The following HBS1L variants were observed in gnomAD, a reference collection of about 807,000 sequenced individuals.
The protein encoded by HBS1L is HBS1 like translational GTPase.
HBS1L carries 55 observed loss-of-function variants against 88.9 expected under a neutral mutation model. The ratio of observed to expected loss-of-function variants is 0.62; its 90% confidence interval spans 0.50 to 0.77. HBS1L has a LOEUF of 0.77. Ranked by LOEUF, HBS1L falls within the 30% of genes least tolerant of loss-of-function variation. The pLI is 0.00. For synonymous variants in HBS1L, 267 were observed against 288.5 expected (o/e 0.93, Z 0.76); for missense variants, 741 against 829.3 (o/e 0.89, Z 1.31).
At chr6:134,987,915 C>A in intron 8 of HBS1L, 124 bp from the exon 9 acceptor site, 2 of 686,678 alleles carry the variant, frequency 2.9e-6, no homozygotes, top group Non-Finnish European at 2.1e-6. Context: ...CCCACCAAAG[C>A]AAATCAAACA....
chr6:134,987,449 T>G (rs1775009997), intron 9 of HBS1L, among the ~76,000 whole-genome samples, 196 bp downstream of exon 9: 2 of 152,176 alleles, frequency 1.3e-5, no homozygotes, highest in South Asian at 4.1e-4. Context: ...AAAAATTAAT[T>G]TTGAAAATAA....
At chr6:134,977,700 T>C (rs1319977569) in intron 15 of HBS1L, among the ~76,000 whole-genome samples, 1 of 151,872 alleles carries the variant, frequency 6.6e-6, no homozygotes, top group Non-Finnish European at 1.5e-5. Context: ...TAAACCACTA[T>C]CACTAACTTT....
At chr6:135,035,090 CTT>C (rs1302849824) in intron 4 of HBS1L, among the ~76,000 whole-genome samples, 3 of 152,202 alleles carry the variant, frequency 2.0e-5, no homozygotes, top group African/African-American at 7.2e-5. Flanking sequence ...ATTGCTGAAA[CTT>C]TGTCACTGTG....
chr6:135,013,495 T>A (rs1333968081), intron 4 of HBS1L, among the ~76,000 whole-genome samples: 1 of 152,226 alleles, frequency 6.6e-6, no homozygotes, highest in Non-Finnish European at 1.5e-5. Flanking sequence ...TAGAACCATG[T>A]CTAATATTTC....
intron 5 of HBS1L, among the ~76,000 whole-genome samples, chr6:134,998,858 T>C (rs1775364795): frequency 6.6e-6 from 1 of 152,352 alleles, no homozygotes; most frequent in African/African-American, 2.4e-5. Context: ...TAGGTGTTCA[T>C]TTTTGAGCAC....
At chr6:135,033,345 A>AATC (rs1244999248) in intron 4 of HBS1L, among the ~76,000 whole-genome samples, 1 of 152,218 alleles carries the variant, frequency 6.6e-6, no homozygotes, top group Non-Finnish European at 1.5e-5. Context: ...TAGTGCCAAC[A>AATC]ATCATCACAA....
At chr6:135,051,528 A>G (rs752079904) in intron 1 of HBS1L, among the ~76,000 whole-genome samples, 1 of 152,112 alleles carries the variant, frequency 6.6e-6, no homozygotes, top group Non-Finnish European at 1.5e-5. Flanking sequence ...TCTTTCTGCT[A>G]GTTAAGGTTC....
Position 134,968,484 on chromosome 6 carries a change from G to A in HBS1L, c.1898+754C>T, listed in dbSNP as rs150962053. Among the ~76,000 whole-genome samples, 833 of 152,224 alleles carry A rather than the reference G, an allele frequency of 5.5e-3. 8 individuals carry two copies. Among genetic ancestry groups the A allele is most frequent in the African/African-American group, 0.017 (701 of 41,538 alleles). On this transcript the variant is annotated intron_variant, in intron 16 of 17. Coordinates refer to ENST00000367837, the MANE Select transcript of HBS1L (RefSeq NM_006620.4). ...AGCTGGTCTCAAACTCCAGACCTCA[G>A]GTGATCTGCCCGCCTTGGCCTCTCA...
At chr6:135,001,330 C>G (rs771615630) in intron 5 of HBS1L, among the ~76,000 whole-genome samples, 3 of 152,080 alleles carry the variant, frequency 2.0e-5, no homozygotes, top group Non-Finnish European at 4.4e-5. Context: ...TACCCATTAT[C>G]TTTATAATTA....
At chr6:135,036,421 A>G in intron 4 of HBS1L, 2 of 1,340,826 alleles carry the variant, frequency 1.5e-6, no homozygotes, top group Non-Finnish European at 1.9e-6. Context: ...GTGCAAAAAT[A>G]CGTATCAACT....
At chr6:135,039,009 T>G (rs947193991) in intron 4 of HBS1L, among the ~76,000 whole-genome samples, 2 of 152,176 alleles carry the variant, frequency 1.3e-5, no homozygotes, top group Non-Finnish European at 2.9e-5. Flanking sequence ...TTCCACTATG[T>G]TGTTATAAAA....
In HBS1L at chr6:135,002,803, T is replaced by C; in HGVS notation, c.470A>G (p.Glu157Gly). ...VDSQTSRSES[E>G]IVPKVAKMTV... ...CATTTTAGCAACTTTTGGCACAATT[T>C]CAGATTCACTTCGCGATGTCTGGGA... The change falls in exon 5 of 18, where the codon GAA (glutamate) becomes GGA (glycine). Residue 157 changes from glutamate to glycine, a missense_variant. This residue lies in a region of HBS1L where 556 missense variants were observed against 598.4 expected (regional missense o/e 0.93). Transcript: ENST00000367837. 1 of 1,613,372 alleles carries C rather than the reference T, an allele frequency of 6.2e-7. No homozygotes were observed.
In HBS1L at chr6:134,982,461, T is replaced by C; in HGVS notation, c.1594A>G (p.Lys532Glu). 1 of 1,588,956 alleles carries C rather than the reference T, an allele frequency of 6.3e-7. No individual in the cohort carries two copies. Among genetic ancestry groups the C allele is most frequent in the Non-Finnish European group, 8.6e-7 (1 of 1,157,946 alleles). Residue 532 changes from lysine (K) to glutamate (E), a missense_variant, in exon 13 of 18, where the codon AAA becomes GAA. This residue lies in a region of HBS1L where 181 missense variants were observed against 212.7 expected (regional missense o/e 0.85). Transcript: ENST00000367837. ...AMPPNETCTV[K>E]GITLHDEPVD... ...AAAGCATCTTGCAGATAAATACCTT[T>C]CACGGTACAAGTTTCATTAGGAGGC...
rs374617901 is a variant in HBS1L at position 134,986,133 on chromosome 6, T to C, written c.1356A>G (p.Leu452=). 6.2e-7 allele frequency: 1 copy of C among 1,603,172 alleles called. No homozygotes were observed. Among genetic ancestry groups the C allele is most frequent in the Non-Finnish European group, 8.5e-7 (1 of 1,170,832 alleles). The part of the protein sequence containing the change: ...IPTSGLSGEN[L]ITRSQSSELT... Reference sequence around the variant, plus strand: ...GTTCACTTGACTGAGATCTTGTGATTAGATTTTCACCACTGAGACCACTTG... The same window carrying C: ...GTTCACTTGACTGAGATCTTGTGATCAGATTTTCACCACTGAGACCACTTG... Residue 452 remains leucine, a synonymous_variant, in exon 11 of 18, where the codon CTA becomes CTG. Coordinates refer to ENST00000367837, the MANE Select transcript of HBS1L (RefSeq NM_006620.4).
chr6:134,969,433 T>C (rs964340753), intron 15 of HBS1L, 95 bp from the exon 16 acceptor site: 8 of 764,280 alleles, frequency 1.0e-5, no homozygotes, highest in Non-Finnish European at 1.8e-5. Flanking sequence ...AATTCAGTGC[T>C]ACTGCTTGGA....
chr6:135,054,748 A>T lies in HBS1L; in HGVS notation c.-57T>A. On this transcript the variant is annotated 5_prime_UTR_variant, in exon 1 of 18. It removes the in-frame stop codon of an upstream open reading frame in the 5' UTR. Transcript: ENST00000367837. ...TAACTCCTTCCAAAACACTCCGCTT[A>T]GATACTGATAAGGCGCCAACTGCAG... 6.2e-7 allele frequency: 1 copy of T among 1,602,796 alleles called. No homozygotes were observed. The highest frequency in any genetic ancestry group is 8.5e-7 in the Non-Finnish European group (1 of 1,171,388).
Sources: allele counts gnomAD v4.1 joint callset (sites outside exome capture counted in the v4.1 genomes callset), GRCh38; gene constraint gnomAD v4.1.1; regional missense constraint gnomAD v4.1.1; transcripts MANE v1.5; gene names NCBI Gene and HGNC (gene_info 2026-07-23, HGNC 2026-07-21).